The following TBL1X variants were observed in gnomAD, a reference collection of about 807,000 sequenced individuals.
TBL1X encodes the protein transducin beta like 1 X-linked, also known as F-box-like/WD repeat-containing protein TBL1X.
A neutral mutation model predicts 50.7 loss-of-function variants in TBL1X; 10 were observed. The ratio of observed to expected loss-of-function variants is 0.20; its 90% confidence interval spans 0.12 to 0.33. TBL1X has a LOEUF of 0.33. Ranked by LOEUF, TBL1X falls within the 10% of genes least tolerant of loss-of-function variation. The probability of loss-of-function intolerance (pLI) is 1.00; values close to 1 mark genes in which losing one functional copy is unlikely to be tolerated. For missense variants in TBL1X, 340 were observed against 504.4 expected, an observed-to-expected ratio of 0.67 and a Z score of 3.12; for synonymous variants, 190 against 214.7, an observed-to-expected ratio of 0.88 and a Z score of 1.01.
At chrX:9,705,184 C>T (rs2083199342) in intron 13 of TBL1X, 70 bp downstream of exon 13, 2 of 1,198,001 alleles carry the variant, frequency 1.7e-6, no homozygotes, top group Admixed American at 2.3e-5. Context: ...TCTTGTGTGC[C>T]TAGAATTAAA....
chrX:9,546,309 C>A (rs769665013), intron 2 of TBL1X, among the ~76,000 whole-genome samples: 1 of 111,727 alleles, frequency 9.0e-6, no homozygotes, highest in Non-Finnish European at 1.9e-5. Flanking sequence ...GTCAGGAGAT[C>A]GAGACCCATC....
chrX:9,597,214 C>G (rs1011117757), intron 2 of TBL1X, among the ~76,000 whole-genome samples: 1 of 111,431 alleles, frequency 9.0e-6, no homozygotes, highest in African/African-American at 3.3e-5. Context: ...AAGACTTGGG[C>G]TTTAGGCACA....
At chrX:9,663,931 T>A (rs1026355403) in intron 5 of TBL1X, among the ~76,000 whole-genome samples, 6 of 110,625 alleles carry the variant, frequency 5.4e-5, no homozygotes, top group African/African-American at 2.0e-4. Context: ...AGAGTTCTTT[T>A]GTGTTGAATG....
At chrX:9,543,369 C>A (rs752207810) in intron 2 of TBL1X, among the ~76,000 whole-genome samples, 1 of 111,945 alleles carries the variant, frequency 8.9e-6, no homozygotes, top group Non-Finnish European at 1.9e-5. Flanking sequence ...GCGTGTGTCT[C>A]ACTTTTCAGA....
chrX:9,507,711 C>G (rs906323806), intron 2 of TBL1X, among the ~76,000 whole-genome samples: 6 of 112,018 alleles, frequency 5.4e-5, no homozygotes, highest in Non-Finnish European at 1.1e-4. Context: ...GTTACATTAA[C>G]AAAAACAGCA....
At chrX:9,467,924 C>T (rs773015085) in intron 1 of TBL1X, among the ~76,000 whole-genome samples, 77 of 112,492 alleles carry the variant, frequency 6.8e-4, no homozygotes, top group African/African-American at 2.4e-3. Flanking sequence ...AGGAGTCCGC[C>T]GGGCTGCTGC....
intron 2 of TBL1X, among the ~76,000 whole-genome samples, chrX:9,540,577 C>T (rs771223890): frequency 1.8e-5 from 2 of 112,492 alleles, no homozygotes; most frequent in Admixed American, 1.9e-4. Context: ...CTGGGACAAC[C>T]GAGGGAAGTG....
chrX:9,488,783 A>G (rs758840334), intron 1 of TBL1X, among the ~76,000 whole-genome samples: 22 of 110,684 alleles, frequency 2.0e-4, no homozygotes, highest in African/African-American at 7.4e-4. Context: ...TCTCTCGAAT[A>G]ATTGAGAAAT....
At chrX:9,486,656 A>C (rs1282892370) in intron 1 of TBL1X, among the ~76,000 whole-genome samples, 1 of 102,139 alleles carries the variant, frequency 9.8e-6, no homozygotes, top group Non-Finnish European at 2.0e-5. Context: ...TCTATATCTT[A>C]AATGTATTTT....
At chrX:9,705,723 T>TAAAAAAAAAAAAAA (rs34666783) in intron 13 of TBL1X, among the ~76,000 whole-genome samples, 1 of 78,248 alleles carries the variant, frequency 1.3e-5, no homozygotes, top group Non-Finnish European at 2.4e-5. Flanking sequence ...CTTGTCTCTT[T>TAAAAAAAAAAAAAA]AAAAAAAAAA....
chrX:9,699,952 T>A (rs1601848535), intron 12 of TBL1X, among the ~76,000 whole-genome samples: 1 of 111,723 alleles, frequency 9.0e-6, no homozygotes, highest in African/African-American at 3.3e-5. Context: ...GACAAAAGGC[T>A]CCCAATGCAG....
chrX:9,463,719 C>G (rs1038917782), upstream of TBL1X, among the ~76,000 whole-genome samples: 1 of 111,039 alleles, frequency 9.0e-6, no homozygotes, highest in Non-Finnish European at 1.9e-5. Context: ...GGTGAAACCC[C>G]GTCTCTACTA....
At position 9,486,589 on chromosome X, in the gene TBL1X, AC is replaced by A. The variant is rs369631747; in HGVS notation, c.-200-15181del. ...AGAAGAATTTTATCCCAGAACACAC[AC>A]CCCCCCCCCACGCCCCCGCCGCCTC... On this transcript the variant is annotated intron_variant, in intron 1 of 17. Transcript: ENST00000645353. Among the ~76,000 whole-genome samples, 470 of 99,150 alleles carry A rather than the reference AC, an allele frequency of 4.7e-3. 4 individuals are homozygous for A. The highest frequency in any genetic ancestry group is 0.016 in the African/African-American group (412 of 26,170). The allele number at this position is 99,150 out of a possible 115,157, so 86.1% of individuals were successfully genotyped here.
intron 2 of TBL1X, among the ~76,000 whole-genome samples, chrX:9,557,511 G>A (rs984768249): frequency 9.0e-6 from 1 of 110,980 alleles, no homozygotes; most frequent in Non-Finnish European, 1.9e-5. Context: ...CTGATTGATG[G>A]AATACCAGGA....
intron 2 of TBL1X, among the ~76,000 whole-genome samples, chrX:9,628,297 C>G (rs2082702649): frequency 8.9e-6 from 1 of 111,939 alleles, no homozygotes; most frequent in South Asian, 3.7e-4. Context: ...GGGCGTCCCC[C>G]ACTGGATGCC....
At chrX:9,597,368 G>A (rs1238468472) in intron 2 of TBL1X, among the ~76,000 whole-genome samples, 4 of 111,837 alleles carry the variant, frequency 3.6e-5, no homozygotes, top group Non-Finnish European at 5.6e-5. Context: ...GAGAGTGGGT[G>A]TAGTGGTCTG....
chrX:9,499,391 G>C (rs1270199726), intron 1 of TBL1X, among the ~76,000 whole-genome samples: 1 of 112,083 alleles, frequency 8.9e-6, no homozygotes, highest in African/African-American at 3.2e-5. Context: ...AGATGAAAGA[G>C]AGTGCTGTCC....
chrX:9,554,563 C>G (rs1316193951), intron 2 of TBL1X, among the ~76,000 whole-genome samples: 2 of 112,411 alleles, frequency 1.8e-5, no homozygotes, highest in African/African-American at 3.2e-5. Flanking sequence ...AATACACTTA[C>G]TTAAAATCCT....
At chrX:9,466,452 A>G (rs1243480095) in intron 1 of TBL1X, among the ~76,000 whole-genome samples, 3 of 112,807 alleles carry the variant, frequency 2.7e-5, no homozygotes, top group African/African-American at 9.7e-5. Context: ...TGGACGTTCC[A>G]CAAAGGTAGG....
Sources: gnomAD v4.1 joint callset for allele counts (sites outside exome capture counted in the v4.1 genomes callset) on GRCh38, gnomAD v4.1.1 for gene constraint, MANE v1.5 for transcripts, NCBI Gene and HGNC (gene_info 2026-07-23, HGNC 2026-07-21) for gene names.